The following GPR39 variants were observed in gnomAD, a reference collection of about 807,000 sequenced individuals.
The protein encoded by GPR39 is zinc sensing receptor.
Under a neutral mutation model 18.4 loss-of-function variants are expected in GPR39, and 23 were observed. The observed-to-expected ratio is 1.25, with a 90% CI of 0.90 to 1.77. GPR39 has a LOEUF of 1.77. Among genes scored for constraint, GPR39 ranks in the 40% most tolerant of loss-of-function variants. The probability of loss-of-function intolerance (pLI) is 0.00; values close to 1 mark genes in which losing one functional copy is unlikely to be tolerated. For missense variants in GPR39, 647 were observed against 602.4 expected, an observed-to-expected ratio of 1.07 and a Z score of -0.78; for synonymous variants, 280 against 257.9, an observed-to-expected ratio of 1.09 and a Z score of -0.82.
At chr2:132,430,106 G>T (rs980082339) in intron 1 of GPR39, among the ~76,000 whole-genome samples, 1 of 152,216 alleles carries the variant, frequency 6.6e-6, no homozygotes, top group South Asian at 2.1e-4. Flanking sequence ...GCAGAGAGAG[G>T]CAGTGTGAGG....
intron 1 of GPR39, among the ~76,000 whole-genome samples, chr2:132,487,794 A>C (rs1404674273): frequency 6.6e-6 from 1 of 152,174 alleles, no homozygotes; most frequent in Non-Finnish European, 1.5e-5. Flanking sequence ...TAGAGGGTAG[A>C]ATGAGAAAGT....
rs1679657859 is a variant in GPR39 at position 132,532,461 on chromosome 2, T to G, written c.857-112640T>G. ...TTCCTTCTGAAACTATTCCAATCAA[T>G]AGAAAAAGAGGGAATCCTCCCTAAC... On this transcript the variant is annotated intron_variant, in intron 1 of 1. Transcript: ENST00000329321. 2.0e-5 allele frequency among the ~76,000 whole-genome samples: 3 copies of G among 152,012 alleles called. No homozygotes were observed. In the South Asian group the frequency reaches 6.2e-4, roughly 31 times the overall value.
At chr2:132,547,852 C>T (rs1193193803) in intron 1 of GPR39, among the ~76,000 whole-genome samples, 2 of 152,148 alleles carry the variant, frequency 1.3e-5, no homozygotes, top group African/African-American at 4.8e-5. Flanking sequence ...ACTAGTTTGT[C>T]CATTCCTAAG....
At chr2:132,542,349 G>A (rs997658832) in intron 1 of GPR39, among the ~76,000 whole-genome samples, 4 of 152,198 alleles carry the variant, frequency 2.6e-5, no homozygotes, top group African/African-American at 9.6e-5. Flanking sequence ...CCATTGGCAA[G>A]CTTGGCTTCT....
At chr2:132,592,188 G>A (rs1680857802) in intron 1 of GPR39, among the ~76,000 whole-genome samples, 1 of 152,214 alleles carries the variant, frequency 6.6e-6, no homozygotes, top group Non-Finnish European at 1.5e-5. Flanking sequence ...TGCCACGTAT[G>A]TAGCATCCCA....
chr2:132,563,265 G>C (rs1255410111), intron 1 of GPR39, among the ~76,000 whole-genome samples: 1 of 152,190 alleles, frequency 6.6e-6, no homozygotes. Context: ...TTTATCAAAG[G>C]CCTATCAGCC....
At chr2:132,616,854 A>G (rs867267834) in intron 1 of GPR39, among the ~76,000 whole-genome samples, 8 of 152,238 alleles carry the variant, frequency 5.3e-5, no homozygotes, top group Non-Finnish European at 1.0e-4. Flanking sequence ...TATATAAAGC[A>G]GAAATTGAAA....
chr2:132,489,624 G>C (rs1343655793), intron 1 of GPR39, among the ~76,000 whole-genome samples: 1 of 151,958 alleles, frequency 6.6e-6, no homozygotes, highest in Non-Finnish European at 1.5e-5. Context: ...CTGGGGTGGG[G>C]ACCAGAGTAG....
chr2:132,576,613 A>AGTAAGTGTGATTAG (rs1680531195), intron 1 of GPR39, among the ~76,000 whole-genome samples: 1 of 152,210 alleles, frequency 6.6e-6, no homozygotes, highest in Non-Finnish European at 1.5e-5. Flanking sequence ...AGATTGCACC[A>AGTAAGTGTGATTAG]CTGCACTTCA....
intron 1 of GPR39, among the ~76,000 whole-genome samples, chr2:132,479,734 C>T (rs1281513151): frequency 6.6e-6 from 1 of 152,206 alleles, no homozygotes; most frequent in Non-Finnish European, 1.5e-5. Flanking sequence ...GAAATTGGAA[C>T]CCTTGGGCAC....
At chr2:132,627,550 T>G (rs1482900023) in intron 1 of GPR39, among the ~76,000 whole-genome samples, 2 of 152,196 alleles carry the variant, frequency 1.3e-5, no homozygotes, top group Non-Finnish European at 2.9e-5. Context: ...AGATATTAGT[T>G]TCCCGATTTT....
chr2:132,596,549 C>A (rs1333014982), intron 1 of GPR39, among the ~76,000 whole-genome samples: 1 of 152,096 alleles, frequency 6.6e-6, no homozygotes, highest in Non-Finnish European at 1.5e-5. Context: ...TCCCATTCTC[C>A]TTCCTGCCTT....
intron 1 of GPR39, among the ~76,000 whole-genome samples, chr2:132,552,563 A>G (rs1680062663): frequency 6.6e-6 from 1 of 152,168 alleles, no homozygotes; most frequent in South Asian, 2.1e-4. Context: ...TATTCTTCAT[A>G]GCAATGCAAC....
In GPR39 at chr2:132,417,646, C is replaced by A. The variant is rs769839027; in HGVS notation, c.604C>A (p.Pro202Thr). ...NRSSTRHHEQ[P>T]ETSNMSICTN... Reference sequence around the variant, plus strand: ...CTCCAGCACCCGCCACCACGAGCAGCCCGAGACCTCCAATATGTCCATCTG... The same window carrying A: ...CTCCAGCACCCGCCACCACGAGCAGACCGAGACCTCCAATATGTCCATCTG... The change falls in exon 1 of 2, where the codon CCC becomes ACC. Residue 202 changes from proline (P) to threonine (T), a missense_variant. Around this residue, in one of 3 missense-constraint regions of GPR39, gnomAD observed 581 missense variants for 506.8 expected, o/e 1.15. Transcript: ENST00000329321. 5.0e-6 allele frequency: 8 copies of A among 1,614,076 alleles called. No individual in the cohort carries two copies. The highest frequency in any genetic ancestry group is 6.8e-6 in the Non-Finnish European group (8 of 1,180,010).
rs139319510 is a variant in GPR39 at position 132,542,983 on chromosome 2, A to T, written c.857-102118A>T. Among the ~76,000 whole-genome samples, 134 of 152,146 alleles carry T rather than the reference A, an allele frequency of 8.8e-4. 1 individual carries two copies. The highest frequency in any genetic ancestry group is 3.0e-3 in the African/African-American group (124 of 41,510). On this transcript the variant is annotated intron_variant, in intron 1 of 1. Transcript: ENST00000329321. ...TGCTTGCCTTCTTCCTAATCATTCT[A>T]ACTTCCCAGGGCTGGAACCCAGTAT...
intron 1 of GPR39, among the ~76,000 whole-genome samples, chr2:132,428,678 G>A (rs1175437980): frequency 6.6e-6 from 1 of 152,180 alleles, no homozygotes; most frequent in Non-Finnish European, 1.5e-5. Flanking sequence ...CCTAACATCA[G>A]GGTATGAGAA....
intron 1 of GPR39, among the ~76,000 whole-genome samples, chr2:132,466,771 G>T (rs1558806658): frequency 6.6e-6 from 1 of 151,928 alleles, no homozygotes; most frequent in African/African-American, 2.4e-5. Flanking sequence ...TTTCAGGGCT[G>T]TTTTTTTTAT....
At chr2:132,638,092 T>A (rs1302328255) in intron 1 of GPR39, among the ~76,000 whole-genome samples, 1 of 147,172 alleles carries the variant, frequency 6.8e-6, no homozygotes, top group African/African-American at 2.5e-5. Flanking sequence ...AAAGGAAAGG[T>A]GGGGAAAAAT....
At chr2:132,504,497 T>G (rs1679100695) in intron 1 of GPR39, among the ~76,000 whole-genome samples, 1 of 152,278 alleles carries the variant, frequency 6.6e-6, no homozygotes, top group East Asian at 1.9e-4. Context: ...CTTGAAGTTC[T>G]CAGAGAGAAC....
Sources: gnomAD v4.1 joint callset for allele counts (sites outside exome capture counted in the v4.1 genomes callset) on GRCh38, gnomAD v4.1.1 for gene constraint, gnomAD v4.1.1 regional missense constraint, MANE v1.5 for transcripts, NCBI Gene and HGNC (gene_info 2026-07-23, HGNC 2026-07-21) for gene names.